The following JAG1 variants were observed in gnomAD, a reference collection of about 807,000 sequenced individuals.
JAG1 encodes the protein protein jagged-1.
JAG1 carries 23 observed loss-of-function variants against 148.7 expected under a neutral mutation model. That is an observed-to-expected ratio of 0.15 (90% CI 0.11 to 0.22). The LOEUF (loss-of-function observed/expected upper bound fraction) is 0.22, where lower values mean the gene tolerates loss of function less well. JAG1 is among the 10% of genes least tolerant of loss of function. JAG1 has a pLI of 1.00. For missense variants in JAG1, 1,054 were observed against 1,611.2 expected (o/e 0.65, Z 5.92); for synonymous variants, 572 against 598.3 (o/e 0.96, Z 0.64).
rs867227395 is a variant in JAG1 at position 10,644,290 on chromosome 20, A to T, written c.2372+67T>A. 0.012 allele frequency: 12,670 copies of T among 1,078,122 alleles called. 282 individuals carry two copies. The highest frequency in any genetic ancestry group is 0.08 in the African/African-American group (4,953 of 61,818). The allele number at this position is 1,078,122 out of a possible 1,614,324, so 66.8% of individuals were successfully genotyped here. A position where few individuals can be genotyped will look rare whatever the true frequency, so the allele number is the denominator to read the frequency against. ...CTGGGTGATTCTCACACACACACAC[A>T]CACACACACACACACACACACACAC... On this transcript the variant is annotated intron_variant, in intron 19 of 25. Transcript: ENST00000254958.
At chr20:10,647,854 T>C (rs1269624928) in intron 13 of JAG1, 106 bp downstream of exon 13, 9 of 1,221,682 alleles carry the variant, frequency 7.4e-6, no homozygotes, top group Non-Finnish European at 1.1e-5. Context: ...ATAGAGGTCC[T>C]CCTCACCAAT....
intron 2 of JAG1, among the ~76,000 whole-genome samples, chr20:10,667,158 G>T (rs2067459848): frequency 6.6e-6 from 1 of 152,232 alleles, no homozygotes; most frequent in South Asian, 2.1e-4. Flanking sequence ...CAAGCTGACG[G>T]ACACAAATAA....
chr20:10,653,008 GCT>G (rs1214580120), intron 5 of JAG1, among the ~76,000 whole-genome samples: 2 of 152,192 alleles, frequency 1.3e-5, no homozygotes, highest in East Asian at 3.9e-4. Context: ...TTGCCACTCT[GCT>G]CTTTGTCTGC....
At chr20:10,653,842 G>A (rs1421048492) in intron 5 of JAG1, among the ~76,000 whole-genome samples, 2 of 152,126 alleles carry the variant, frequency 1.3e-5, no homozygotes, top group Non-Finnish European at 2.9e-5. Context: ...CTTAACCCCT[G>A]AGAATACTGA....
At chr20:10,654,819 T>C (rs1600187053) in intron 5 of JAG1, among the ~76,000 whole-genome samples, 1 of 152,132 alleles carries the variant, frequency 6.6e-6, no homozygotes, top group Non-Finnish European at 1.5e-5. Context: ...ACAAAGCCTG[T>C]TGTTCTGGCT....
intron 3 of JAG1, chr20:10,662,318 AG>A (rs1170019712): frequency 6.6e-6 from 1 of 152,164 alleles, no homozygotes; most frequent in African/African-American, 2.4e-5. Context: ...GCTCTGGACA[AG>A]CCCTGGGTTC....
chr20:10,647,769 G>A (rs930756096), intron 13 of JAG1, among the ~76,000 whole-genome samples, 191 bp downstream of exon 13: 33 of 152,202 alleles, frequency 2.2e-4, no homozygotes, highest in African/African-American at 6.8e-4. Context: ...TTGTAGACAC[G>A]GCTCTCCCAC....
chr20:10,659,559 C>CTTTTTTTTTTTTTTTTTT lies in JAG1; in HGVS notation c.440-855_440-838dup, dbSNP rs35826283. On this transcript the variant is annotated intron_variant, in intron 3 of 25. Transcript: ENST00000254958. ...GGAAGCCAAGGAGACGATTAAGTTA[C>CTTTTTTTTTTTTTTTTTT]TTTTTTTTTTTTTTTTTTTTTTTTT... is the stretch of plus-strand genomic sequence containing the variant. 8.6e-5 allele frequency among the ~76,000 whole-genome samples: 9 copies of CTTTTTTTTTTTTTTTTTT among 105,138 alleles called. 4 individuals carry two copies. Among genetic ancestry groups the CTTTTTTTTTTTTTTTTTT allele is most frequent in the African/African-American group, 1.1e-4 (3 of 27,194 alleles). 69.0% of individuals were successfully genotyped at this position (105,138 alleles called of 152,430 possible). A position where few individuals can be genotyped will look rare whatever the true frequency, so the allele number is the denominator to read the frequency against.
chr20:10,654,843 C>T (rs543975877), intron 5 of JAG1, among the ~76,000 whole-genome samples: 1 of 152,278 alleles, frequency 6.6e-6, no homozygotes, highest in African/African-American at 2.4e-5. Context: ...AGGGCCCTCC[C>T]CTGTATAGCT....
intron 14 of JAG1, 90 bp downstream of exon 14, chr20:10,646,838 AAAACTTTCAAC>A: frequency 6.3e-6 from 8 of 1,267,838 alleles, no homozygotes; most frequent in South Asian, 1.2e-5. Flanking sequence ...AAAAAAAAAA[AAAACTTTCAAC>A]ACCAATGATC....
intron 7 of JAG1, 102 bp downstream of exon 7, chr20:10,652,028 TA>T: frequency 7.6e-7 from 1 of 1,322,500 alleles, no homozygotes; most frequent in Non-Finnish European, 1.1e-6. Context: ...CTTTGGAAGC[TA>T]TTTTCACTTT....
Position 10,650,375 on chromosome 20 carries a change from A to G in JAG1, c.1121-15T>C. The stretch of plus-strand genomic sequence containing the variant: ...GTCATCAATGTCTGGTCAACAAGAA[A>G]AGGAGGGGGTTGACAATTTAATTCA... On this transcript the variant is annotated splice_polypyrimidine_tract_variant and intron_variant, in intron 8 of 25. Coordinates refer to ENST00000254958, the MANE Select transcript of JAG1 (RefSeq NM_000214.3). 1 of 1,434,012 alleles carries G rather than the reference A, an allele frequency of 7.0e-7. No individual in the cohort carries two copies. The highest frequency in any genetic ancestry group is 9.8e-7 in the Non-Finnish European group (1 of 1,016,800). The allele number at this position is 1,434,012 out of a possible 1,614,324, so 88.8% of individuals were successfully genotyped here. A position where few individuals can be genotyped will look rare whatever the true frequency, so the allele number is the denominator to read the frequency against.
In JAG1 at chr20:10,645,903, A is replaced by G; in HGVS notation, c.1999+68T>C. On this transcript the variant is annotated intron_variant, in intron 15 of 25. Coordinates refer to ENST00000254958, the MANE Select transcript of JAG1 (RefSeq NM_000214.3). The surrounding 1 kb of genome is among the most constrained non-coding windows in gnomAD (Gnocchi z 6.1). ...TTTCCAGTACAAAGAAAGTTTTCCCACGTTGAAGTGGGATCCCTCCAACAT... is the reference window on the plus strand; with the variant it reads ...TTTCCAGTACAAAGAAAGTTTTCCCGCGTTGAAGTGGGATCCCTCCAACAT... The G allele has an allele frequency of 1.8e-6, 2 of 1,090,898 alleles. No individual in the cohort carries two copies. The highest frequency in any genetic ancestry group is 2.5e-5 in the South Asian group (2 of 80,860). The allele number at this position is 1,090,898 out of a possible 1,614,324, so 67.6% of individuals were successfully genotyped here.
At chr20:10,653,847 TACTG>T (rs1390993204) in intron 5 of JAG1, among the ~76,000 whole-genome samples, 26 of 152,146 alleles carry the variant, frequency 1.7e-4, no homozygotes, top group Admixed American at 1.7e-3. Flanking sequence ...CCCCTGAGAA[TACTG>T]ACTAACCACT....
At chr20:10,655,012 C>T (rs191471746) in intron 5 of JAG1, among the ~76,000 whole-genome samples, 1 of 152,308 alleles carries the variant, frequency 6.6e-6, no homozygotes, top group Admixed American at 6.5e-5. Flanking sequence ...ATTCCTGCTC[C>T]GCATTGGACA....
At chr20:10,660,867 G>A (rs1802466869) in intron 3 of JAG1, among the ~76,000 whole-genome samples, 1 of 152,168 alleles carries the variant, frequency 6.6e-6, no homozygotes, top group Non-Finnish European at 1.5e-5. Flanking sequence ...CCAGTGCCAC[G>A]AAGATGAGTC....
intron 12 of JAG1, 93 bp from the exon 13 acceptor site, chr20:10,648,203 G>A: frequency 5.5e-6 from 8 of 1,457,120 alleles, no homozygotes; most frequent in South Asian, 1.2e-5. Flanking sequence ...ACTGGAATCT[G>A]ACAGTTCCTT....
Position 10,639,928 on chromosome 20 carries a change from A to G in JAG1, c.3227T>C (p.Val1076Ala), listed in dbSNP as rs750849877. The change falls in exon 26 of 26, where the codon GTC (valine) becomes GCC (alanine). Residue 1076 changes from valine (V) to alanine (A), a missense_variant. By Grantham distance (64) the Val-to-Ala change is moderately conservative. Transcript: ENST00000254958. Reference protein sequence around the residue: ...TDFLVPLLSSVLTVAWICCLV... With the variant: ...TDFLVPLLSSALTVAWICCLV... ...GCAACAGATCCAAGCCACAGTTAAGACAGAGCTCAGCAAGGGAACAAGGAA... is the reference window on the plus strand; with the variant it reads ...GCAACAGATCCAAGCCACAGTTAAGGCAGAGCTCAGCAAGGGAACAAGGAA... 13 of 1,614,102 alleles carry G rather than the reference A, an allele frequency of 8.1e-6. No individual in the cohort carries two copies. The highest frequency in any genetic ancestry group is 1.0e-5 in the Non-Finnish European group (12 of 1,180,034).
chr20:10,649,476 G>T, intron 10 of JAG1, 46 bp downstream of exon 10: 2 of 1,243,882 alleles, frequency 1.6e-6, no homozygotes, highest in Non-Finnish European at 1.2e-6. Context: ...CAGCAAGTCG[G>T]CTACCCAAGT....
Sources: gnomAD v4.1 joint callset for allele counts (sites outside exome capture counted in the v4.1 genomes callset) on GRCh38, gnomAD v4.1.1 for gene constraint, Gnocchi (gnomAD v3.1) non-coding constraint, MANE v1.5 for transcripts, NCBI Gene and HGNC (gene_info 2026-07-23, HGNC 2026-07-21) for gene names.